Variants in IL1RAPL1 observed in about 807,000 individuals in gnomAD.
IL1RAPL1 encodes the protein interleukin-1 receptor accessory protein-like 1.
In IL1RAPL1, 3 loss-of-function variants were observed where a neutral mutation model predicts 48.4. The observed-to-expected ratio is 0.06, with a 90% CI of 0.03 to 0.16. The LOEUF (loss-of-function observed/expected upper bound fraction) is 0.16, where lower values mean the gene tolerates loss of function less well. Among genes scored for constraint, IL1RAPL1 ranks in the 10% least tolerant of loss-of-function variants. IL1RAPL1 has a pLI of 1.00. For synonymous variants in IL1RAPL1, 185 were observed against 187.7 expected (o/e 0.99, Z 0.12); for missense variants, 349 against 530.6 (o/e 0.66, Z 3.36).
chrX:28,976,801 G>A (rs1925217306), intron 2 of IL1RAPL1, among the ~76,000 whole-genome samples: 1 of 111,389 alleles, frequency 9.0e-6, no homozygotes, highest in Non-Finnish European at 1.9e-5. Context: ...TGAGGTGAAA[G>A]GAAGACAAGG....
intron 2 of IL1RAPL1, among the ~76,000 whole-genome samples, chrX:29,153,904 G>T (rs1929515347): frequency 8.9e-6 from 1 of 111,962 alleles, no homozygotes. Context: ...CATAATATTA[G>T]TACATAAACT....
chrX:29,016,691 T>C (rs1401657314), intron 2 of IL1RAPL1, among the ~76,000 whole-genome samples: 1 of 111,529 alleles, frequency 9.0e-6, no homozygotes, highest in African/African-American at 3.2e-5. Context: ...TGTGTGTGTG[T>C]AGGTTTCTAT....
intron 3 of IL1RAPL1, among the ~76,000 whole-genome samples, chrX:29,303,435 A>G (rs180674846): frequency 2.2e-3 from 245 of 111,737 alleles, no homozygotes; most frequent in African/African-American, 7.3e-3. Context: ...TAAATATGAA[A>G]CCTATATTAA....
At chrX:28,834,434 G>A (rs1921151279) in intron 2 of IL1RAPL1, among the ~76,000 whole-genome samples, 1 of 110,440 alleles carries the variant, frequency 9.1e-6, no homozygotes, top group Non-Finnish European at 1.9e-5. Context: ...CTTCAAATTT[G>A]GGACTATTAT....
At chrX:29,030,274 T>G (rs946798722) in intron 2 of IL1RAPL1, among the ~76,000 whole-genome samples, 1 of 111,796 alleles carries the variant, frequency 8.9e-6, no homozygotes, top group African/African-American at 3.3e-5. Flanking sequence ...TTTCCTGATA[T>G]TCACAAAATA....
At chrX:29,802,773 ATATATATATGTG>A (rs1459341150) in intron 6 of IL1RAPL1, among the ~76,000 whole-genome samples, 7 of 29,281 alleles carry the variant, frequency 2.4e-4, no homozygotes, top group Non-Finnish European at 3.3e-4. Context: ...ATATATATAT[ATATATATATGTG>A]TGTGTGTATA....
At chrX:28,887,314 C>T (rs1044413117) in intron 2 of IL1RAPL1, among the ~76,000 whole-genome samples, 1 of 112,096 alleles carries the variant, frequency 8.9e-6, no homozygotes, top group African/African-American at 3.2e-5. Flanking sequence ...CCTCACCTGA[C>T]ATCAAAATGC....
At chrX:29,303,573 C>T (rs752052133) in intron 3 of IL1RAPL1, among the ~76,000 whole-genome samples, 9 of 111,705 alleles carry the variant, frequency 8.1e-5, no homozygotes, top group Non-Finnish European at 1.3e-4. Context: ...GGATGATACT[C>T]TTAATCTCTC....
intron 2 of IL1RAPL1, among the ~76,000 whole-genome samples, chrX:28,879,628 T>C (rs961049090): frequency 2.7e-5 from 3 of 111,949 alleles, no homozygotes; most frequent in African/African-American, 9.7e-5. Context: ...TGTGAATGCA[T>C]GATATATGTC....
intron 6 of IL1RAPL1, among the ~76,000 whole-genome samples, chrX:29,776,680 A>C (rs140153653): frequency 4.2e-4 from 47 of 112,044 alleles, no homozygotes; most frequent in Middle Eastern, 4.6e-3. Context: ...ACCTGAAGAA[A>C]GTAATTTAGA....
chrX:28,981,552 T>TCC (rs1016738408), intron 2 of IL1RAPL1, among the ~76,000 whole-genome samples: 17 of 112,041 alleles, frequency 1.5e-4, no homozygotes, highest in African/African-American at 5.5e-4. Context: ...GCCCTTAACA[T>TCC]CCCTTTGGCA....
Position 29,762,629 on chromosome X carries a change from A to C in IL1RAPL1, c.778+94125A>C, listed in dbSNP as rs541825290. 1.2e-4 allele frequency among the ~76,000 whole-genome samples: 14 copies of C among 112,276 alleles called. No individual in the cohort carries two copies. In the South Asian group the frequency reaches 4.8e-3, roughly 38 times the overall value. The stretch of plus-strand genomic sequence containing the variant: ...GTTTGGAAATGAACATTCATTCACT[A>C]CTTTGTTATATTGTCATATGGTGGT... On this transcript the variant is annotated intron_variant, in intron 6 of 10. Coordinates refer to ENST00000378993, the MANE Select transcript of IL1RAPL1 (RefSeq NM_014271.4).
At chrX:28,682,846 T>C (rs959006646) in intron 1 of IL1RAPL1, among the ~76,000 whole-genome samples, 1 of 112,220 alleles carries the variant, frequency 8.9e-6, no homozygotes, top group African/African-American at 3.2e-5. Context: ...TTAAAACTGT[T>C]ACAAGTTAAA....
At chrX:29,609,579 T>A (rs947289331) in intron 5 of IL1RAPL1, among the ~76,000 whole-genome samples, 5 of 112,141 alleles carry the variant, frequency 4.5e-5, no homozygotes, top group Non-Finnish European at 9.4e-5. Flanking sequence ...TCATCTATGT[T>A]CCTCTTAAAA....
At chrX:29,667,765 G>A (rs752280613) in intron 5 of IL1RAPL1, among the ~76,000 whole-genome samples, 2 of 112,387 alleles carry the variant, frequency 1.8e-5, no homozygotes, top group South Asian at 7.3e-4. Flanking sequence ...TAAAATCGAA[G>A]AGAGTATATC....
chrX:29,734,547 C>T (rs750989207), intron 6 of IL1RAPL1, among the ~76,000 whole-genome samples: 46 of 112,170 alleles, frequency 4.1e-4, no homozygotes, highest in Non-Finnish European at 8.1e-4. Context: ...AATGAGTTGA[C>T]ATCTGCAAGA....
At chrX:29,630,322 G>T (rs944169295) in intron 5 of IL1RAPL1, among the ~76,000 whole-genome samples, 1 of 111,538 alleles carries the variant, frequency 9.0e-6, no homozygotes, top group East Asian at 2.8e-4. Context: ...ATTTTGGGGG[G>T]ACATAAACAT....
At chrX:29,548,095 C>A (rs1921686807) in intron 5 of IL1RAPL1, among the ~76,000 whole-genome samples, 1 of 112,705 alleles carries the variant, frequency 8.9e-6, no homozygotes, top group Non-Finnish European at 1.9e-5. Flanking sequence ...AGTCAAATGA[C>A]ACCATTAGTT....
intron 2 of IL1RAPL1, among the ~76,000 whole-genome samples, chrX:29,278,421 A>G (rs867461969): frequency 2.4e-4 from 27 of 111,497 alleles, no homozygotes; most frequent in Middle Eastern, 4.6e-3. Flanking sequence ...CCACTCCCCA[A>G]TGTAACTTCA....
Sources: gnomAD v4.1 joint callset for allele counts (sites outside exome capture counted in the v4.1 genomes callset) on GRCh38, gnomAD v4.1.1 for gene constraint, MANE v1.5 for transcripts, NCBI Gene and HGNC (gene_info 2026-07-23, HGNC 2026-07-21) for gene names.